Variants in SNTG2 observed in about 807,000 individuals in gnomAD.
The protein encoded by SNTG2 is syntrophin gamma 2, also known as gamma-2-syntrophin.
A neutral mutation model predicts 70.9 loss-of-function variants in SNTG2; 74 were observed. That is an observed-to-expected ratio of 1.04 (90% CI 0.86 to 1.27). SNTG2 has a LOEUF of 1.27. Ranked by LOEUF, SNTG2 falls within the 50% of genes most tolerant of loss-of-function variation. The probability of loss-of-function intolerance (pLI) is 0.00; values close to 1 mark genes in which losing one functional copy is unlikely to be tolerated. For missense variants in SNTG2, 717 were observed against 690.7 expected (o/e 1.04, Z -0.43); for synonymous variants, 278 against 273.8 (o/e 1.02, Z -0.15).
In SNTG2 at chr2:1,267,535, C is replaced by T. The variant is rs752721367; in HGVS notation, c.1248C>T (p.Phe416=). 1.4e-5 allele frequency: 22 copies of T among 1,613,512 alleles called. No individual in the cohort carries two copies. Among genetic ancestry groups the T allele is most frequent in the Middle Eastern group, 3.5e-4 (2 of 5,672 alleles). ...GSELAMWEKS[F]QRATFMEVQR... The stretch of plus-strand genomic sequence containing the variant: ...AGCTGGCCATGTGGGAGAAGTCCTT[C>T]CAAAGAGCCACGTTCATGGAAGTTC... The change falls in exon 14 of 17, where the codon TTC becomes TTT. Residue 416 remains phenylalanine (F), a synonymous_variant. Transcript: ENST00000308624.
chr2:1,239,684 A>T, intron 10 of SNTG2, 54 bp from the exon 11 acceptor site: 1 of 1,598,708 alleles, frequency 6.3e-7, no homozygotes, highest in African/African-American at 1.3e-5. Context: ...CACTCAGGTG[A>T]GCCATCCTGG....
intron 4 of SNTG2, among the ~76,000 whole-genome samples, chr2:1,109,046 T>A (rs1266040496): frequency 6.7e-6 from 1 of 150,056 alleles, no homozygotes; most frequent in Non-Finnish European, 1.5e-5. Flanking sequence ...ACACGTGCTG[T>A]CACTCGGGTG....
At chr2:1,239,044 A>C (rs1157373132) in intron 10 of SNTG2, among the ~76,000 whole-genome samples, 2 of 152,202 alleles carry the variant, frequency 1.3e-5, no homozygotes, top group African/African-American at 4.8e-5. Context: ...GGACCTTCCT[A>C]ACATTGTAGT....
intron 11 of SNTG2, among the ~76,000 whole-genome samples, chr2:1,245,123 G>A (rs1344988286): frequency 1.6e-5 from 2 of 123,772 alleles, no homozygotes; most frequent in African/African-American, 6.1e-5. Flanking sequence ...GACTGTTGTC[G>A]GGTGGGGGGA....
At chr2:1,275,767 A>T (rs1331578268) in intron 14 of SNTG2, among the ~76,000 whole-genome samples, 1 of 152,252 alleles carries the variant, frequency 6.6e-6, no homozygotes, top group East Asian at 1.9e-4. Flanking sequence ...TGTGAGGAAC[A>T]CATGTCAAAA....
intron 1 of SNTG2, among the ~76,000 whole-genome samples, chr2:1,023,508 C>T (rs2148016427): frequency 6.6e-6 from 1 of 152,258 alleles, no homozygotes; most frequent in Non-Finnish European, 1.5e-5. Context: ...ATTTTGTTAA[C>T]ATGGAGGAAC....
intron 1 of SNTG2, among the ~76,000 whole-genome samples, chr2:1,072,231 C>T (rs1663610078): frequency 6.6e-6 from 1 of 151,858 alleles, no homozygotes; most frequent in African/African-American, 2.4e-5. Flanking sequence ...CAGTTCCTGG[C>T]TTTGAATTTT....
At chr2:1,246,270 A>G (rs895696293) in intron 11 of SNTG2, among the ~76,000 whole-genome samples, 7 of 152,234 alleles carry the variant, frequency 4.6e-5, no homozygotes, top group African/African-American at 1.7e-4. Context: ...CATTGCTAGA[A>G]ATACCGTTTG....
At chr2:1,334,379 G>A (rs1042053833) in intron 16 of SNTG2, among the ~76,000 whole-genome samples, 1 of 152,304 alleles carries the variant, frequency 6.6e-6, no homozygotes, top group Admixed American at 6.5e-5. Flanking sequence ...GTGGAAAACA[G>A]TGTGGAGATT....
intron 4 of SNTG2, among the ~76,000 whole-genome samples, chr2:1,135,803 A>C (rs1283649277): frequency 6.6e-6 from 1 of 152,186 alleles, no homozygotes; most frequent in Non-Finnish European, 1.5e-5. Flanking sequence ...TAAGTAGCTA[A>C]AGTTTGTTTT....
chr2:1,311,378 A>G (rs1461664229), intron 15 of SNTG2, among the ~76,000 whole-genome samples: 1 of 152,220 alleles, frequency 6.6e-6, no homozygotes, highest in Non-Finnish European at 1.5e-5. Context: ...TGAAAATAGC[A>G]CATGACAACA....
chr2:1,313,542 T>G (rs1480802396), intron 15 of SNTG2, among the ~76,000 whole-genome samples: 1 of 152,246 alleles, frequency 6.6e-6, no homozygotes, highest in Non-Finnish European at 1.5e-5. Context: ...CAGTCCACTT[T>G]TACATAAAGT....
chr2:1,322,429 G>C (rs1278465728), intron 16 of SNTG2, among the ~76,000 whole-genome samples: 5 of 152,196 alleles, frequency 3.3e-5, no homozygotes, highest in Non-Finnish European at 7.3e-5. Flanking sequence ...ATTTCCTAGA[G>C]AGGAACTGAG....
chr2:1,205,094 C>G (rs1673547858), intron 8 of SNTG2, among the ~76,000 whole-genome samples: 1 of 151,930 alleles, frequency 6.6e-6, no homozygotes, highest in Admixed American at 6.6e-5. Flanking sequence ...CCCATCTTTT[C>G]TAGAATGTGG....
At chr2:1,176,684 C>T (rs574820675) in intron 8 of SNTG2, among the ~76,000 whole-genome samples, 61 of 151,560 alleles carry the variant, frequency 4.0e-4, no homozygotes, top group African/African-American at 1.4e-3. Flanking sequence ...GCAAAGGACA[C>T]GAACAGATAC....
At chr2:1,209,076 C>G (rs185412050) in intron 8 of SNTG2, 27 bp from the exon 9 acceptor site, 5 of 1,611,518 alleles carry the variant, frequency 3.1e-6, no homozygotes, top group Non-Finnish European at 4.2e-6. Flanking sequence ...GCCTCTGTGA[C>G]GCTTCATTCT....
At chr2:1,017,802 C>T (rs771063018) in intron 1 of SNTG2, among the ~76,000 whole-genome samples, 2 of 152,138 alleles carry the variant, frequency 1.3e-5, no homozygotes, top group Non-Finnish European at 1.5e-5. Context: ...AAAGGGTTGT[C>T]GTGAGGGCAG....
rs551481320 is a variant in SNTG2, at chr2:1,155,129, CACAA to C, written c.412-10415_412-10412del. Among the ~76,000 whole-genome samples the C allele has an allele frequency of 3.9e-3, 575 of 148,974 alleles. 8 individuals are homozygous for C. The highest frequency in any genetic ancestry group is 0.021 in the Admixed American group (307 of 14,792). On this transcript the variant is annotated intron_variant, in intron 6 of 16. Coordinates refer to ENST00000308624, the MANE Select transcript of SNTG2 (RefSeq NM_018968.4). ...ACATAACACCCACATATACATACAA[CACAA>C]ACACACAGACACACTCCATACACAC...
At position 1,054,286 on chromosome 2, in the gene SNTG2, C is replaced by T. The variant is rs563392582; in HGVS notation, c.73-29232C>T. 2.6e-3 allele frequency among the ~76,000 whole-genome samples: 399 copies of T among 151,700 alleles called. 2 individuals carry two copies. The highest frequency in any genetic ancestry group is 3.5e-3 in the Non-Finnish European group (238 of 67,912). On this transcript the variant is annotated intron_variant, in intron 1 of 16. Coordinates refer to ENST00000308624, the MANE Select transcript of SNTG2 (RefSeq NM_018968.4). Reference sequence around the variant, plus strand: ...CTCAGCCGTTCCCACCCAAGAGAGGCGGCCCACACCTGGGCTGTGGCTGGA... The same window carrying T: ...CTCAGCCGTTCCCACCCAAGAGAGGTGGCCCACACCTGGGCTGTGGCTGGA...
Sources: gnomAD v4.1 joint callset for allele counts (sites outside exome capture counted in the v4.1 genomes callset) on GRCh38, gnomAD v4.1.1 for gene constraint, MANE v1.5 for transcripts, NCBI Gene and HGNC (gene_info 2026-07-23, HGNC 2026-07-21) for gene names.